WDR11: variants seen among roughly 807,000 people sequenced by gnomAD.
WDR11 encodes the protein WD repeat-containing protein 11.
A neutral mutation model predicts 151.2 loss-of-function variants in WDR11; 83 were observed. The observed-to-expected ratio is 0.55, with a 90% CI of 0.46 to 0.66. The LOEUF (loss-of-function observed/expected upper bound fraction) is 0.66, where lower values mean the gene tolerates loss of function less well. WDR11 is among the 30% of genes least tolerant of loss of function. WDR11 has a pLI of 0.00. For missense variants in WDR11, 1,301 were observed against 1,480.9 expected, an observed-to-expected ratio of 0.88 and a Z score of 1.99; for synonymous variants, 484 against 533.1, an observed-to-expected ratio of 0.91 and a Z score of 1.27.
intron 9 of WDR11, among the ~76,000 whole-genome samples, chr10:120,869,113 T>C (rs546348747): frequency 6.9e-6 from 1 of 144,234 alleles, no homozygotes; most frequent in Non-Finnish European, 1.5e-5. Context: ...CAGGTTTTTT[T>C]TTTTTTTTTT....
At chr10:120,888,026 T>G (rs904239283) in intron 16 of WDR11, among the ~76,000 whole-genome samples, 5 of 152,186 alleles carry the variant, frequency 3.3e-5, no homozygotes, top group Non-Finnish European at 7.3e-5. Flanking sequence ...TTTTACGGTA[T>G]TCAGTGTGTG....
intron 25 of WDR11, 28 bp from the exon 26 acceptor site, chr10:120,905,291 C>T (rs199591570): frequency 6.2e-7 from 1 of 1,610,706 alleles, no homozygotes; most frequent in East Asian, 2.2e-5. Context: ...TGCAGTGTCA[C>T]TTAAGGGGAT....
rs755143295 is a variant in WDR11 at position 120,900,115 on chromosome 10, TATTCTTTGGAC to T, written c.2606_2616del (p.Ser869PhefsTer4). ...ATTACACCAGCCTTGGAATGGACAGTATTCTTTGGACATTTCTCATGTGTAAGTTTTTCACT... is the reference window on the plus strand; with the variant it reads ...ATTACACCAGCCTTGGAATGGACAGTATTTCTCATGTGTAAGTTTTTCACT... On this transcript the variant is annotated frameshift_variant, in exon 20 of 29. Coordinates refer to ENST00000263461, the MANE Select transcript of WDR11 (RefSeq NM_018117.12). LOFTEE classifies it high-confidence loss of function. 1.2e-6 allele frequency: 2 copies of T among 1,613,566 alleles called. No homozygotes were observed. Among genetic ancestry groups the T allele is most frequent in the South Asian group, 2.2e-5 (2 of 91,068 alleles).
At chr10:120,872,060 G>C (rs1414254146) in intron 10 of WDR11, among the ~76,000 whole-genome samples, 1 of 152,158 alleles carries the variant, frequency 6.6e-6, no homozygotes, top group East Asian at 1.9e-4. Context: ...TTCTTAAGAT[G>C]CTATCGGCTG....
intron 3 of WDR11, 148 bp from the exon 4 acceptor site, chr10:120,859,958 CACA>C: frequency 4.0e-6 from 1 of 249,714 alleles, no homozygotes; most frequent in Non-Finnish European, 6.6e-6. Context: ...TATTGATACA[CACA>C]CACACACACA....
chr10:120,860,545 C>T (rs1846105328), intron 4 of WDR11, among the ~76,000 whole-genome samples: 1 of 152,106 alleles, frequency 6.6e-6, no homozygotes, highest in South Asian at 2.1e-4. Flanking sequence ...ATTAGACTAG[C>T]CAGGGACAGA....
Position 120,862,853 on chromosome 10 carries a change from GGCCACA to G in WDR11, c.653_658del (p.Ala218_Thr219del). 6.2e-7 allele frequency: 1 copy of G among 1,613,950 alleles called. No individual in the cohort carries two copies. The highest frequency in any genetic ancestry group is 8.5e-7 in the Non-Finnish European group (1 of 1,179,984). On this transcript the variant is annotated inframe_deletion, in exon 5 of 29. Transcript: ENST00000263461. ...ACTCTAGCCCAGCTCATAACAAGCTGGCCACAGCCACAGGTGCCAAGAAAGCTCTAA... is the reference window on the plus strand; with the variant it reads ...ACTCTAGCCCAGCTCATAACAAGCTGGCCACAGGTGCCAAGAAAGCTCTAA...
chr10:120,903,368 G>T, intron 23 of WDR11, 136 bp downstream of exon 23: 2 of 1,119,088 alleles, frequency 1.8e-6, no homozygotes, highest in South Asian at 2.7e-5. Context: ...AAATTAGCTG[G>T]GTGTGGTGGC....
chr10:120,884,625 A>G (rs1259649625), intron 14 of WDR11, among the ~76,000 whole-genome samples: 2 of 152,136 alleles, frequency 1.3e-5, no homozygotes, highest in African/African-American at 4.8e-5. Context: ...AAAAGAAACA[A>G]TGCATTTAAT....
chr10:120,906,538 G>A, intron 27 of WDR11: 1 of 1,378,382 alleles, frequency 7.3e-7, no homozygotes. Flanking sequence ...GTAGATTTTT[G>A]TGTATTTAAA....
rs1846879606 is a variant in WDR11, at chr10:120,878,410, C to T, written c.1614C>T (p.Asn538=). The change falls in exon 12 of 29, where the codon AAC becomes AAT. Residue 538 remains asparagine, a synonymous_variant. Transcript: ENST00000263461. ...SFLSFATSTP[N]NMGLVRNELQ... is the part of the protein sequence containing the mutation. ...TTTCTTTTGCTACCTCAACACCAAA[C>T]AATATGGGATTAGTGAGAAATGAAC... 4.3e-6 allele frequency: 7 copies of T among 1,613,242 alleles called. No homozygotes were observed. Among genetic ancestry groups the T allele is most frequent in the African/African-American group, 2.7e-5 (2 of 75,002 alleles).
At chr10:120,870,833 C>G (rs112191526) in intron 9 of WDR11, among the ~76,000 whole-genome samples, 4,025 of 152,274 alleles carry the variant, frequency 0.026, 67 homozygotes, top group Middle Eastern at 0.048. Context: ...AGAAACTGTT[C>G]TCTAATGCAA....
intron 20 of WDR11, among the ~76,000 whole-genome samples, chr10:120,900,801 C>G (rs1847786260): frequency 6.6e-6 from 1 of 152,128 alleles, no homozygotes; most frequent in Non-Finnish European, 1.5e-5. Context: ...TTCTTGAAAG[C>G]CAAGGAGACT....
intron 28 of WDR11, chr10:120,908,112 A>T (rs1848136937): frequency 4.8e-6 from 1 of 209,646 alleles, no homozygotes; most frequent in Admixed American, 5.2e-5. Flanking sequence ...AACCAATAGG[A>T]CAGGGCTTTC....
intron 11 of WDR11, among the ~76,000 whole-genome samples, chr10:120,875,858 T>C (rs915611740): frequency 6.6e-6 from 1 of 152,064 alleles, no homozygotes; most frequent in Admixed American, 6.6e-5. Flanking sequence ...AGTCATTTTC[T>C]GTTTTCTGTA....
chr10:120,897,714 A>G (rs1847664637), intron 19 of WDR11, among the ~76,000 whole-genome samples: 1 of 152,188 alleles, frequency 6.6e-6, no homozygotes, highest in Non-Finnish European at 1.5e-5. Flanking sequence ...AAGGAAGAGG[A>G]CCATTCTAGA....
At chr10:120,867,819 TAGAAA>T (rs999363037) in intron 9 of WDR11, among the ~76,000 whole-genome samples, 1 of 152,216 alleles carries the variant, frequency 6.6e-6, no homozygotes, top group Non-Finnish European at 1.5e-5. Context: ...TGAGCAGTAT[TAGAAA>T]AGATTATTTT....
chr10:120,900,371 T>C (rs1436352433), intron 20 of WDR11, among the ~76,000 whole-genome samples: 1 of 152,070 alleles, frequency 6.6e-6, no homozygotes, highest in Non-Finnish European at 1.5e-5. Context: ...GCTGTGTGCT[T>C]GTCTTATGGT....
intron 4 of WDR11, among the ~76,000 whole-genome samples, chr10:120,861,535 G>T (rs924920932): frequency 6.6e-6 from 1 of 152,132 alleles, no homozygotes; most frequent in African/African-American, 2.4e-5. Flanking sequence ...ACCTGAAAAG[G>T]CAACAAGGCT....
Sources: allele counts gnomAD v4.1 joint callset (sites outside exome capture counted in the v4.1 genomes callset), GRCh38; gene constraint gnomAD v4.1.1; transcripts MANE v1.5; gene names NCBI Gene and HGNC (gene_info 2026-07-23, HGNC 2026-07-21).